SEMA5B: variants seen among roughly 807,000 people sequenced by gnomAD.
The protein encoded by SEMA5B is semaphorin 5B, also known as semaphorin-5B.
In SEMA5B, 66 loss-of-function variants were observed where a neutral mutation model predicts 135.0. That is an observed-to-expected ratio of 0.49 (90% CI 0.40 to 0.60). The LOEUF is 0.60. Ranked by LOEUF, SEMA5B falls within the 20% of genes least tolerant of loss-of-function variation. SEMA5B has a pLI of 0.00. For synonymous variants in SEMA5B, 690 were observed against 639.5 expected (o/e 1.08, Z -1.19); for missense variants, 1,501 against 1,566.3 (o/e 0.96, Z 0.70).
chr3:122,977,809 A>C (rs1173333334), intron 1 of SEMA5B, among the ~76,000 whole-genome samples: 1 of 152,256 alleles, frequency 6.6e-6, no homozygotes, highest in East Asian at 1.9e-4. Flanking sequence ...ATTCTGATGC[A>C]CTAGGCTTGG....
chr3:122,936,800 A>G (rs1576348596), intron 5 of SEMA5B, among the ~76,000 whole-genome samples: 1 of 152,048 alleles, frequency 6.6e-6, no homozygotes, highest in African/African-American at 2.4e-5. Flanking sequence ...CCTCCAACAC[A>G]CACACTGCCC....
intron 1 of SEMA5B, among the ~76,000 whole-genome samples, chr3:122,983,705 G>T (rs891374845): frequency 1.1e-5 from 1 of 87,772 alleles, no homozygotes; most frequent in African/African-American, 6.7e-5. Context: ...GCGACAGAGC[G>T]AGACTCGTCT....
chr3:122,979,817 A>G (rs1181638544), intron 1 of SEMA5B, among the ~76,000 whole-genome samples: 1 of 152,242 alleles, frequency 6.6e-6, no homozygotes, highest in Non-Finnish European at 1.5e-5. Context: ...ATACAGGCTC[A>G]AAACCTTTAA....
Position 122,911,230 on chromosome 3 carries a change from AC to A in SEMA5B, c.3092-186del, listed in dbSNP as rs1937682534. The A allele has an allele frequency of 8.4e-6, 9 of 1,072,388 alleles. No homozygotes were observed. The Admixed American group carries it at 1.3e-4, about 16-fold the overall frequency. The allele number at this position is 1,072,388 out of a possible 1,614,324, so 66.4% of individuals were successfully genotyped here. On this transcript the variant is annotated intron_variant, in intron 21 of 22. Transcript: ENST00000357599. Reference sequence around the variant, plus strand: ...TCACTGGGGACCTCTTTCACAAGGTACCCTGTGGCTCAAGTCAGAGGTGGCA... The same window carrying A: ...TCACTGGGGACCTCTTTCACAAGGTACCTGTGGCTCAAGTCAGAGGTGGCA...
chr3:122,947,128 T>G (rs1939823269), intron 3 of SEMA5B, among the ~76,000 whole-genome samples: 2 of 152,148 alleles, frequency 1.3e-5, no homozygotes, highest in Non-Finnish European at 2.9e-5. Flanking sequence ...GGCCCCAGTG[T>G]GAGGAGGCTA....
intron 12 of SEMA5B, among the ~76,000 whole-genome samples, chr3:122,918,987 C>T (rs1410768325): frequency 6.9e-6 from 1 of 145,308 alleles, no homozygotes; most frequent in African/African-American, 2.6e-5. Context: ...TAATATATCA[C>T]CATGTCTTTT....
At chr3:122,996,815 G>A (rs9813296) in intron 1 of SEMA5B, among the ~76,000 whole-genome samples, 25,804 of 152,112 alleles carry the variant, frequency 0.17, 3,719 homozygotes, top group African/African-American at 0.4. Flanking sequence ...AGTAGCGTTC[G>A]ACCTGCCCAG....
At chr3:123,007,892 T>G (rs1307809439) in intron 1 of SEMA5B, among the ~76,000 whole-genome samples, 1 of 152,192 alleles carries the variant, frequency 6.6e-6, no homozygotes, top group Admixed American at 6.5e-5. Context: ...TCCAGTATAC[T>G]CCAATATAGT....
chr3:122,983,986 G>C (rs1941617148), intron 1 of SEMA5B, among the ~76,000 whole-genome samples: 1 of 152,204 alleles, frequency 6.6e-6, no homozygotes, highest in Non-Finnish European at 1.5e-5. Flanking sequence ...CATTCCGAGA[G>C]TTTGGCTCTT....
At chr3:122,928,112 C>T in intron 7 of SEMA5B, 109 bp from the exon 8 acceptor site, 3 of 724,706 alleles carry the variant, frequency 4.1e-6, no homozygotes, top group South Asian at 5.4e-5. Flanking sequence ...TGGGCCTCTC[C>T]CCTCCTCCAG....
chr3:123,010,000 G>T (rs1576407534), intron 1 of SEMA5B, among the ~76,000 whole-genome samples: 1 of 152,308 alleles, frequency 6.6e-6, no homozygotes, highest in African/African-American at 2.4e-5. Flanking sequence ...GGCAGGAAAA[G>T]GTGCCTGATT....
chr3:122,911,760 G>A (rs1224348676), intron 20 of SEMA5B, among the ~76,000 whole-genome samples, 160 bp downstream of exon 20: 2 of 152,246 alleles, frequency 1.3e-5, no homozygotes, highest in South Asian at 2.1e-4. Flanking sequence ...TGTGCATGGA[G>A]GCAAATATGG....
At chr3:122,992,610 C>T (rs770198310) in intron 1 of SEMA5B, among the ~76,000 whole-genome samples, 3 of 152,174 alleles carry the variant, frequency 2.0e-5, no homozygotes, top group South Asian at 2.1e-4. Context: ...TGATGCCCCA[C>T]CTCCTCACCC....
At position 122,961,308 on chromosome 3, in the gene SEMA5B, G is replaced by A. The variant is rs1207261453; in HGVS notation, c.-38-7C>T. On this transcript the variant is annotated splice_polypyrimidine_tract_variant and splice_region_variant and intron_variant, in intron 1 of 22. Coordinates refer to ENST00000357599, the MANE Select transcript of SEMA5B (RefSeq NM_001031702.4). ...CACCAGCTGGAACCACTCACTGAAGGGGGAGAATTTTGGGTAAGTCATGGA... is the reference window on the plus strand; with the variant it reads ...CACCAGCTGGAACCACTCACTGAAGAGGGAGAATTTTGGGTAAGTCATGGA... The A allele has an allele frequency of 1.2e-6, 2 of 1,612,530 alleles. No homozygotes were observed. Among genetic ancestry groups the A allele is most frequent in the Admixed American group, 3.3e-5 (2 of 59,912 alleles).
intron 1 of SEMA5B, among the ~76,000 whole-genome samples, chr3:122,997,319 T>G (rs1318427726): frequency 6.6e-6 from 1 of 152,076 alleles, no homozygotes; most frequent in East Asian, 1.9e-4. Flanking sequence ...CCTCCTTCAG[T>G]TTCCTCTCCT....
chr3:123,006,192 G>A (rs1189125050), intron 1 of SEMA5B, among the ~76,000 whole-genome samples: 2 of 152,232 alleles, frequency 1.3e-5, no homozygotes, highest in Non-Finnish European at 2.9e-5. Flanking sequence ...CCAATGTCTG[G>A]TGTTGGTAAA....
chr3:122,976,141 A>C lies in SEMA5B; in HGVS notation c.-38-14840T>G, dbSNP rs765137522. 22 of 1,534,970 alleles carry C rather than the reference A, an allele frequency of 1.4e-5. No homozygotes were observed. The South Asian group carries it at 2.6e-4, about 18-fold the overall frequency. ...TGCAGCATGTGGTTTATACACTCTC[A>C]TCACTTCCTCACCCTGTGTTGGGCT... On this transcript the variant is annotated intron_variant, in intron 1 of 22. Coordinates refer to ENST00000357599, the MANE Select transcript of SEMA5B (RefSeq NM_001031702.4).
chr3:122,985,007 G>A (rs1941651526), intron 1 of SEMA5B, among the ~76,000 whole-genome samples: 1 of 152,250 alleles, frequency 6.6e-6, no homozygotes, highest in South Asian at 2.1e-4. Context: ...GTATTTTTAT[G>A]TTCCCCAACC....
At chr3:122,999,468 A>G (rs1942115859) in intron 1 of SEMA5B, among the ~76,000 whole-genome samples, 1 of 150,574 alleles carries the variant, frequency 6.6e-6, no homozygotes, top group Non-Finnish European at 1.5e-5. Flanking sequence ...CAGGTGATCC[A>G]CCCACCTCGG....
Sources: allele counts gnomAD v4.1 joint callset (sites outside exome capture counted in the v4.1 genomes callset), GRCh38; gene constraint gnomAD v4.1.1; transcripts MANE v1.5; gene names NCBI Gene and HGNC (gene_info 2026-07-23, HGNC 2026-07-21).